Variants in SLC38A10 observed in about 807,000 individuals in gnomAD.
SLC38A10 encodes Sodium-coupled neutral amino acid transporter 10.
A neutral mutation model predicts 81.0 loss-of-function variants in SLC38A10; 53 were observed. The observed-to-expected ratio is 0.65, with a 90% CI of 0.53 to 0.82. The LOEUF is 0.82. Among genes scored for constraint, SLC38A10 ranks in the 40% least tolerant of loss-of-function variants. The probability of loss-of-function intolerance (pLI) is 0.00; values close to 1 mark genes in which losing one functional copy is unlikely to be tolerated. For missense variants in SLC38A10, 1,471 were observed against 1,545.0 expected (o/e 0.95, Z 0.80); for synonymous variants, 665 against 655.3 (o/e 1.01, Z -0.23).
chr17:81,293,965 A>AT (rs1426524418), intron 1 of SLC38A10, among the ~76,000 whole-genome samples: 1 of 151,912 alleles, frequency 6.6e-6, no homozygotes, highest in Non-Finnish European at 1.5e-5. Flanking sequence ...TGTATTTGAG[A>AT]TTTTTTCCAA....
chr17:81,268,367 A>C (rs554554293), intron 10 of SLC38A10, among the ~76,000 whole-genome samples: 1 of 152,264 alleles, frequency 6.6e-6, no homozygotes, highest in East Asian at 1.9e-4. Flanking sequence ...GAAGCCACAA[A>C]GAATCAATAT....
intron 1 of SLC38A10, among the ~76,000 whole-genome samples, chr17:81,290,366 C>T (rs2063300836): frequency 1.3e-5 from 2 of 152,132 alleles, no homozygotes; most frequent in African/African-American, 4.8e-5. Flanking sequence ...CCCAAATGTC[C>T]TTCAACAAGC....
intron 2 of SLC38A10, among the ~76,000 whole-genome samples, chr17:81,287,269 G>A (rs1241373834): frequency 1.3e-5 from 2 of 152,232 alleles, no homozygotes; most frequent in East Asian, 1.9e-4. Context: ...ACCTATGCCT[G>A]GGTGGGGGCA....
chr17:81,272,691 CA>C (rs1193776920), intron 8 of SLC38A10, 64 bp from the exon 9 acceptor site: 2 of 1,263,392 alleles, frequency 1.6e-6, no homozygotes, highest in Non-Finnish European at 1.1e-6. Flanking sequence ...TCCTAGAAAG[CA>C]AAGCCTGAAA....
chr17:81,283,810 C>T lies in SLC38A10; in HGVS notation c.264-308G>A, dbSNP rs550486540. Among the ~76,000 whole-genome samples the T allele has an allele frequency of 2.6e-5, 4 of 151,468 alleles. No individual in the cohort carries two copies. Among genetic ancestry groups the T allele is most frequent in the Non-Finnish European group, 4.4e-5 (3 of 67,832 alleles). On this transcript the variant is annotated intron_variant, in intron 3 of 15. Coordinates refer to ENST00000374759, the MANE Select transcript of SLC38A10 (RefSeq NM_001037984.3). The surrounding 1 kb of genome is among the most constrained non-coding windows in gnomAD (Gnocchi z 4.7). ...ATTTTTAGTAGAGACGGGGTTGCAC[C>T]GTGTTAGCCAGGATGGTCTCGATCT...
At chr17:81,282,934 C>T (rs1399583204) in intron 4 of SLC38A10, among the ~76,000 whole-genome samples, 8 of 152,200 alleles carry the variant, frequency 5.3e-5, no homozygotes, top group Non-Finnish European at 5.9e-5. Context: ...GGGCTCTGCT[C>T]CCCGGCAGCG....
At chr17:81,287,300 A>G (rs1237637920) in intron 2 of SLC38A10, among the ~76,000 whole-genome samples, 1 of 152,126 alleles carries the variant, frequency 6.6e-6, no homozygotes, top group Non-Finnish European at 1.5e-5. Flanking sequence ...GGAGGAAACC[A>G]CCCAGCCGTC....
In SLC38A10 at chr17:81,283,189, C is replaced by T. The variant is rs1050043191; in HGVS notation, c.357+220G>A. On this transcript the variant is annotated intron_variant, in intron 4 of 15. Coordinates refer to ENST00000374759, the MANE Select transcript of SLC38A10 (RefSeq NM_001037984.3). This position sits in a 1 kb window ranked among gnomAD's most constrained non-coding sequence, Gnocchi z 4.7. Reference sequence around the variant, plus strand: ...GGCTCCCCCACCCGCCCCTCATCTACATGGTGTCAGACTCTGCCTGGCTTG... The same window carrying T: ...GGCTCCCCCACCCGCCCCTCATCTATATGGTGTCAGACTCTGCCTGGCTTG... Among the ~76,000 whole-genome samples the T allele has an allele frequency of 6.6e-6, 1 of 152,134 alleles. No homozygotes were observed. The highest frequency in any genetic ancestry group is 1.5e-5 in the Non-Finnish European group (1 of 68,014).
At chr17:81,287,208 T>C (rs1339217668) in intron 2 of SLC38A10, among the ~76,000 whole-genome samples, 1 of 152,114 alleles carries the variant, frequency 6.6e-6, no homozygotes, top group Non-Finnish European at 1.5e-5. Flanking sequence ...GGTAAAGCGA[T>C]CAGCGGCCAC....
intron 8 of SLC38A10, among the ~76,000 whole-genome samples, chr17:81,275,535 C>T (rs1341607216): frequency 6.6e-6 from 1 of 151,462 alleles, no homozygotes; most frequent in East Asian, 1.9e-4. Context: ...AGATCGAGAC[C>T]ATCCTGGCTA....
At chr17:81,251,742 C>G (rs1327810638) in intron 13 of SLC38A10, 130 bp from the exon 14 acceptor site, 2 of 990,964 alleles carry the variant, frequency 2.0e-6, no homozygotes, top group Admixed American at 3.6e-5. Flanking sequence ...CCCCCGTCAG[C>G]ACAGTTTATA....
intron 13 of SLC38A10, chr17:81,251,826 T>C (rs1010402776): frequency 1.8e-6 from 1 of 548,804 alleles, no homozygotes; most frequent in African/African-American, 1.9e-5. Flanking sequence ...AATGAGCCAA[T>C]GGTAACTGCC....
rs1424073835 is a variant in SLC38A10 at position 81,276,301 on chromosome 17, C to T, written c.730-150G>A. The T allele has an allele frequency of 3.1e-6, 2 of 646,888 alleles. No homozygotes were observed. Among genetic ancestry groups the T allele is most frequent in the Non-Finnish European group, 4.9e-6 (2 of 404,448 alleles). The allele number at this position is 646,888 out of a possible 1,614,324, so 40.1% of individuals were successfully genotyped here. ...ATAATGAAGCTTCTGCAAGAGATGG[C>T]CTTCCAGGGGCAAGGCACCATTTCG... On this transcript the variant is annotated intron_variant, in intron 7 of 15. Transcript: ENST00000374759. This position sits in a 1 kb window ranked among gnomAD's most constrained non-coding sequence, Gnocchi z 4.7.
intron 10 of SLC38A10, chr17:81,264,311 T>G (rs988828670): frequency 6.6e-6 from 1 of 152,304 alleles, no homozygotes; most frequent in Admixed American, 6.5e-5. Flanking sequence ...GAACTTCCTT[T>G]GAGGACGCGG....
chr17:81,294,941 CG>C lies in SLC38A10; in HGVS notation c.-21del. 1 of 1,567,840 alleles carries C rather than the reference CG, an allele frequency of 6.4e-7. No individual in the cohort carries two copies. The highest frequency in any genetic ancestry group is 8.6e-7 in the Non-Finnish European group (1 of 1,159,278). ...GGTCATAGTGAGAGGTCTAGGGGCC[CG>C]GGGCGAGAGGCCTCGGGGGTCGCCG... On this transcript the variant is annotated 5_prime_UTR_variant, in exon 1 of 16. Transcript: ENST00000374759.
chr17:81,290,461 C>T (rs1253584953), intron 1 of SLC38A10, among the ~76,000 whole-genome samples: 2 of 152,194 alleles, frequency 1.3e-5, no homozygotes, highest in Non-Finnish European at 2.9e-5. Flanking sequence ...CACCATGACA[C>T]GGATGGGACT....
intron 10 of SLC38A10, chr17:81,264,213 T>G (rs1411888614): frequency 7.3e-6 from 1 of 137,424 alleles, no homozygotes; most frequent in Non-Finnish European, 1.5e-5. Context: ...GCACAGCGGC[T>G]GCCCAGCCTC....
chr17:81,288,123 A>G lies in SLC38A10; in HGVS notation c.217+1568T>C, dbSNP rs1194374922. ...ATCAGGAAGGGAGGAGAAGGAATAC[A>G]TCCCCTCCGGTTCTGAGGGCCGAAA... is the stretch of plus-strand genomic sequence containing the variant. On this transcript the variant is annotated intron_variant, in intron 2 of 15. Transcript: ENST00000374759. This position sits in a 1 kb window ranked among gnomAD's most constrained non-coding sequence, Gnocchi z 5.4. 2.0e-5 allele frequency among the ~76,000 whole-genome samples: 3 copies of G among 152,192 alleles called. No individual in the cohort carries two copies. The South Asian group carries it at 6.2e-4, about 32-fold the overall frequency.
At chr17:81,274,239 G>A (rs1235740046) in intron 8 of SLC38A10, among the ~76,000 whole-genome samples, 1 of 152,250 alleles carries the variant, frequency 6.6e-6, no homozygotes, top group Non-Finnish European at 1.5e-5. Context: ...GCAGAAGAGA[G>A]GAGCACCAGC....
Sources: gnomAD v4.1 joint callset for allele counts (sites outside exome capture counted in the v4.1 genomes callset) on GRCh38, gnomAD v4.1.1 for gene constraint, Gnocchi (gnomAD v3.1) non-coding constraint, MANE v1.5 for transcripts, NCBI Gene and HGNC (gene_info 2026-07-23, HGNC 2026-07-21) for gene names.